PCDHA7: variants seen among roughly 807,000 people sequenced by gnomAD.
The protein encoded by PCDHA7 is protocadherin alpha 7, also known as protocadherin alpha-7.
PCDHA7 carries 37 observed loss-of-function variants against 57.2 expected under a neutral mutation model. The observed-to-expected ratio is 0.65, with a 90% CI of 0.50 to 0.85. The LOEUF is 0.85. Among genes scored for constraint, PCDHA7 ranks in the 40% least tolerant of loss-of-function variants. PCDHA7 has a pLI of 0.00. For synonymous variants in PCDHA7, 553 were observed against 558.8 expected (o/e 0.99, Z 0.15); for missense variants, 1,188 against 1,241.8 (o/e 0.96, Z 0.65).
chr5:140,964,305 A>T (rs1163722863), intron 1 of PCDHA7, among the ~76,000 whole-genome samples: 1 of 152,246 alleles, frequency 6.6e-6, no homozygotes, highest in African/African-American at 2.4e-5. Flanking sequence ...AATACCTACA[A>T]GGCCTAAAAC....
chr5:140,994,303 C>T (rs13163241), intron 3 of PCDHA7, among the ~76,000 whole-genome samples: 9,825 of 152,220 alleles, frequency 0.065, 357 homozygotes, highest in East Asian at 0.12. Flanking sequence ...ATTGTTTTCA[C>T]AGGGCCCAAA....
In PCDHA7 at chr5:141,011,894, T is replaced by G. The variant is rs1303053966; in HGVS notation, c.*1957T>G. 6.5e-6 allele frequency: 1 copy of G among 153,306 alleles called. No homozygotes were observed. The highest frequency in any genetic ancestry group is 1.5e-5 in the Non-Finnish European group (1 of 68,044). The allele number at this position is 153,306 out of a possible 1,614,324, so 9.5% of individuals were successfully genotyped here. ...AATTTAGAAGTTTGATTAATTATAT[T>G]ATCTATTTAGGCATTAATATAAAAG... On this transcript the variant is annotated 3_prime_UTR_variant, in exon 4 of 4. Transcript: ENST00000525929.
intron 1 of PCDHA7, among the ~76,000 whole-genome samples, chr5:140,905,993 TG>T (rs1314051308): frequency 6.6e-6 from 1 of 152,176 alleles, no homozygotes; most frequent in African/African-American, 2.4e-5. Flanking sequence ...AGATGTAGGC[TG>T]GGAGGCTAAG....
At chr5:140,868,636 TCTCA>T (rs1554162146) in intron 1 of PCDHA7, 1 of 156,044 alleles carries the variant, frequency 6.4e-6, no homozygotes, top group East Asian at 1.9e-4. Flanking sequence ...TCTCTTTCTC[TCTCA>T]CTCTGTGTAT....
At chr5:140,890,634 T>A (rs986470825) in intron 1 of PCDHA7, among the ~76,000 whole-genome samples, 3 of 152,204 alleles carry the variant, frequency 2.0e-5, no homozygotes, top group African/African-American at 7.2e-5. Context: ...TAAGCATGTA[T>A]CCTTGATATA....
At chr5:140,927,097 G>A in intron 1 of PCDHA7, 1 of 1,613,358 alleles carries the variant, frequency 6.2e-7, no homozygotes, top group Non-Finnish European at 8.5e-7. Context: ...CTTCGGGGTG[G>A]ATCTACCCAG....
chr5:140,892,763 C>G (rs1365366300), intron 1 of PCDHA7, among the ~76,000 whole-genome samples: 12 of 152,298 alleles, frequency 7.9e-5, no homozygotes, highest in Middle Eastern at 3.4e-3. Context: ...TTAAAATCCA[C>G]TCTTCTAGCT....
intron 1 of PCDHA7, among the ~76,000 whole-genome samples, chr5:140,961,550 CT>C (rs571779587): frequency 6.6e-6 from 1 of 152,032 alleles, no homozygotes; most frequent in Admixed American, 6.6e-5. Context: ...TGCAGCATTT[CT>C]TTTTTTAAAT....
intron 1 of PCDHA7, among the ~76,000 whole-genome samples, chr5:140,935,451 T>C (rs2090381894): frequency 6.6e-6 from 1 of 152,232 alleles, no homozygotes; most frequent in African/African-American, 2.4e-5. Context: ...AATATGATAC[T>C]GTAGCAGTTT....
chr5:140,882,745 T>C (rs782756975), intron 1 of PCDHA7: 1 of 1,614,124 alleles, frequency 6.2e-7, no homozygotes, highest in Non-Finnish European at 8.5e-7. Flanking sequence ...GCGCATCCGA[T>C]GCAGATATTG....
intron 1 of PCDHA7, among the ~76,000 whole-genome samples, chr5:140,975,268 G>C (rs1054634006): frequency 6.6e-6 from 1 of 152,102 alleles, no homozygotes; most frequent in African/African-American, 2.4e-5. Flanking sequence ...TCTGATTTCT[G>C]TCTCTGACCT....
chr5:140,917,574 A>AT (rs2078267630), intron 1 of PCDHA7, among the ~76,000 whole-genome samples: 2 of 152,154 alleles, frequency 1.3e-5, no homozygotes, highest in Non-Finnish European at 2.9e-5. Context: ...TCTCAGGCTG[A>AT]TTTTTGTTCA....
At chr5:140,836,792 G>A (rs781818049) in intron 1 of PCDHA7, 54 bp downstream of exon 1, 3 of 1,416,344 alleles carry the variant, frequency 2.1e-6, no homozygotes, top group Non-Finnish European at 2.9e-6. Context: ...AGTTCAATTG[G>A]TCTCCTTAAA....
chr5:140,904,738 A>T (rs1373664313), intron 1 of PCDHA7, among the ~76,000 whole-genome samples: 1 of 152,012 alleles, frequency 6.6e-6, no homozygotes, highest in African/African-American at 2.4e-5. Context: ...TTATTTTTTT[A>T]TTATGACCAT....
chr5:140,995,787 T>C (rs2097697894), intron 3 of PCDHA7, among the ~76,000 whole-genome samples: 1 of 152,152 alleles, frequency 6.6e-6, no homozygotes, highest in Non-Finnish European at 1.5e-5. Context: ...AGGTTTAAAA[T>C]TTGTCTCATG....
intron 1 of PCDHA7, among the ~76,000 whole-genome samples, chr5:140,898,621 C>T (rs1356286726): frequency 8.5e-5 from 13 of 152,312 alleles, no homozygotes; most frequent in African/African-American, 2.6e-4. Flanking sequence ...AGTCAGGTAG[C>T]ATAATGCCTC....
Position 140,857,860 on chromosome 5 carries a change from G to A in PCDHA7, c.2355+21122G>A, listed in dbSNP as rs532607436. On this transcript the variant is annotated intron_variant, in intron 1 of 3. Transcript: ENST00000525929. ...TGGACGCTGACTCTGGATACAACGC[G>A]TGGCTGTCGTATGAATTGCAGTCGG... 1.9e-6 allele frequency: 3 copies of A among 1,597,882 alleles called. 1 individual carries two copies. Among genetic ancestry groups the A allele is most frequent in the South Asian group, 1.1e-5 (1 of 90,496 alleles).
intron 1 of PCDHA7, chr5:140,883,270 T>C: frequency 6.2e-7 from 1 of 1,614,106 alleles, no homozygotes; most frequent in Non-Finnish European, 8.5e-7. Flanking sequence ...CGGGTCATTG[T>C]ACCCTTTTGG....
chr5:140,838,076 TAGTGTGTG>T (rs1775469130), intron 1 of PCDHA7, among the ~76,000 whole-genome samples: 2 of 31,122 alleles, frequency 6.4e-5, no homozygotes, highest in Admixed American at 3.1e-4. Flanking sequence ...TATATATATA[TAGTGTGTG>T]TGTGTGTGTG....
Sources: allele counts gnomAD v4.1 joint callset (sites outside exome capture counted in the v4.1 genomes callset), GRCh38; gene constraint gnomAD v4.1.1; transcripts MANE v1.5; gene names NCBI Gene and HGNC (gene_info 2026-07-23, HGNC 2026-07-21).